PTPRJ: variants seen among roughly 807,000 people sequenced by gnomAD.
PTPRJ encodes protein tyrosine phosphatase receptor type J.
In PTPRJ, 129 loss-of-function variants were observed where a neutral mutation model predicts 141.3. The observed-to-expected ratio is 0.91, with a 90% CI of 0.79 to 1.06. The LOEUF is 1.06. PTPRJ is among the 50% of genes least tolerant of loss of function. The pLI is 0.00. For missense variants in PTPRJ, 1,601 were observed against 1,679.7 expected (o/e 0.95, Z 0.82); for synonymous variants, 610 against 640.5 (o/e 0.95, Z 0.72).
At chr11:48,166,772 C>T (rs910387039) in intron 24 of PTPRJ, among the ~76,000 whole-genome samples, 2 of 152,226 alleles carry the variant, frequency 1.3e-5, no homozygotes, top group Non-Finnish European at 2.9e-5. Context: ...CCTCATCCAG[C>T]TCCACCTGAT....
chr11:48,092,443 T>G (rs1464693337), intron 1 of PTPRJ, among the ~76,000 whole-genome samples: 2 of 151,842 alleles, frequency 1.3e-5, no homozygotes, highest in Admixed American at 6.6e-5. Context: ...TTTTTCTTTT[T>G]TTTTGAGACA....
At chr11:48,048,923 G>T (rs1854479236) in intron 1 of PTPRJ, among the ~76,000 whole-genome samples, 1 of 152,280 alleles carries the variant, frequency 6.6e-6, no homozygotes, top group African/African-American at 2.4e-5. Context: ...CCTATCTAAG[G>T]CTTGTATAAA....
chr11:48,124,311 CAG>C (rs1489662602), intron 5 of PTPRJ, among the ~76,000 whole-genome samples: 1 of 152,220 alleles, frequency 6.6e-6, no homozygotes, highest in Non-Finnish European at 1.5e-5. Flanking sequence ...CTTAAGAAAA[CAG>C]AGCTACAGAG....
intron 1 of PTPRJ, among the ~76,000 whole-genome samples, chr11:48,009,951 A>G (rs1237523135): frequency 6.6e-6 from 1 of 151,898 alleles, no homozygotes; most frequent in Non-Finnish European, 1.5e-5. Flanking sequence ...GATACTGTTG[A>G]GTTATTTGGG....
At chr11:48,102,643 T>G (rs1305379593) in intron 1 of PTPRJ, among the ~76,000 whole-genome samples, 1 of 151,998 alleles carries the variant, frequency 6.6e-6, no homozygotes, top group African/African-American at 2.4e-5. Context: ...TTGAACTCCC[T>G]TGAACTCAGG....
At chr11:48,082,969 G>A (rs1336834728) in intron 1 of PTPRJ, among the ~76,000 whole-genome samples, 3 of 152,156 alleles carry the variant, frequency 2.0e-5, no homozygotes, top group Non-Finnish European at 4.4e-5. Context: ...CAGATGGTGT[G>A]GTTGGCTCAT....
At chr11:48,150,917 T>C (rs1000025892) in intron 18 of PTPRJ, among the ~76,000 whole-genome samples, 4 of 152,208 alleles carry the variant, frequency 2.6e-5, no homozygotes, top group Non-Finnish European at 5.9e-5. Context: ...TGGGATCCCA[T>C]TAGGAGGACT....
chr11:48,091,962 T>C (rs2134299859), intron 1 of PTPRJ, among the ~76,000 whole-genome samples: 1 of 152,268 alleles, frequency 6.6e-6, no homozygotes, highest in East Asian at 1.9e-4. Context: ...TTTGGCAACA[T>C]GAATTGTTAT....
chr11:48,018,048 A>G (rs1854994698), intron 1 of PTPRJ, among the ~76,000 whole-genome samples: 1 of 152,258 alleles, frequency 6.6e-6, no homozygotes, highest in Admixed American at 6.5e-5. Context: ...GATGATAAAA[A>G]TACTTTATGC....
rs1041181341 is a variant in PTPRJ at position 48,045,399 on chromosome 11, A to G, written c.96+64391A>G. 4.7e-4 allele frequency among the ~76,000 whole-genome samples: 71 copies of G among 152,316 alleles called. No individual in the cohort carries two copies. The Middle Eastern group carries it at 0.01, about 22-fold the overall frequency. Reference sequence around the variant, plus strand: ...TTATGAGTGGGCCCTGAGAGTGATCAGAGACATCCTTCAAGATTGAAGCTG... The same window carrying G: ...TTATGAGTGGGCCCTGAGAGTGATCGGAGACATCCTTCAAGATTGAAGCTG... On this transcript the variant is annotated intron_variant, in intron 1 of 24. Coordinates refer to ENST00000418331, the MANE Select transcript of PTPRJ (RefSeq NM_002843.4).
chr11:48,127,718 A>T, intron 6 of PTPRJ, 62 bp from the exon 7 acceptor site: 2 of 1,545,752 alleles, frequency 1.3e-6, no homozygotes, highest in Non-Finnish European at 1.8e-6. Flanking sequence ...TGCCCTGATG[A>T]CCTCTCCCTC....
chr11:48,146,582 T>C (rs1376251561), intron 14 of PTPRJ, among the ~76,000 whole-genome samples: 1 of 152,194 alleles, frequency 6.6e-6, no homozygotes, highest in Admixed American at 6.5e-5. Flanking sequence ...CCCAGTTCCC[T>C]AAATTTGCAG....
chr11:48,100,427 C>T (rs2134312199), intron 1 of PTPRJ, among the ~76,000 whole-genome samples: 1 of 152,260 alleles, frequency 6.6e-6, no homozygotes, highest in South Asian at 2.1e-4. Context: ...CCCTCGTATG[C>T]TAAGTGCTTC....
intron 1 of PTPRJ, among the ~76,000 whole-genome samples, chr11:47,997,265 G>A (rs1354064062): frequency 6.6e-6 from 1 of 152,226 alleles, no homozygotes; most frequent in African/African-American, 2.4e-5. Context: ...CCTTGCTGTA[G>A]GTAATACTTG....
intron 1 of PTPRJ, among the ~76,000 whole-genome samples, chr11:48,027,658 G>A (rs2134220216): frequency 6.6e-6 from 1 of 151,902 alleles, no homozygotes; most frequent in East Asian, 1.9e-4. Context: ...TGGGCATGGT[G>A]GCACATGCCT....
chr11:48,151,157 A>C (rs1378933438), intron 18 of PTPRJ, among the ~76,000 whole-genome samples: 1 of 152,150 alleles, frequency 6.6e-6, no homozygotes, highest in Non-Finnish European at 1.5e-5. Context: ...GGCTGAAAAC[A>C]ACAGAAATTT....
intron 1 of PTPRJ, among the ~76,000 whole-genome samples, chr11:48,106,234 G>A (rs1856284450): frequency 1.3e-5 from 2 of 152,170 alleles, no homozygotes; most frequent in African/African-American, 4.8e-5. Context: ...GGGGTTATAG[G>A]TCGAGTCAGG....
chr11:48,045,836 G>T (rs574926540), intron 1 of PTPRJ, among the ~76,000 whole-genome samples: 8 of 152,232 alleles, frequency 5.3e-5, no homozygotes, highest in Admixed American at 1.3e-4. Flanking sequence ...TAACAAGTTT[G>T]GTTCTACATG....
chr11:48,116,860 T>C (rs1259067830), intron 3 of PTPRJ, among the ~76,000 whole-genome samples: 1 of 152,210 alleles, frequency 6.6e-6, no homozygotes, highest in Non-Finnish European at 1.5e-5. Flanking sequence ...CTAAAAAATA[T>C]CTTGAGACAA....
Sources: allele counts gnomAD v4.1 joint callset (sites outside exome capture counted in the v4.1 genomes callset), GRCh38; gene constraint gnomAD v4.1.1; transcripts MANE v1.5; gene names NCBI Gene and HGNC (gene_info 2026-07-23, HGNC 2026-07-21).